The following RBMS3 variants were observed in gnomAD, a reference collection of about 807,000 sequenced individuals.
RBMS3 encodes the protein RNA-binding motif, single-stranded-interacting protein 3.
In RBMS3, 27 loss-of-function variants were observed where a neutral mutation model predicts 66.8. The observed-to-expected ratio is 0.40, with a 90% CI of 0.30 to 0.56. RBMS3 has a LOEUF of 0.56. Ranked by LOEUF, RBMS3 falls within the 20% of genes least tolerant of loss-of-function variation. The pLI is 0.40. For missense variants in RBMS3, 513 were observed against 549.5 expected (o/e 0.93, Z 0.66); for synonymous variants, 188 against 183.0 (o/e 1.03, Z -0.22).
intron 4 of RBMS3, among the ~76,000 whole-genome samples, chr3:29,669,151 G>A (rs1304678904): frequency 6.6e-6 from 1 of 152,186 alleles, no homozygotes. Flanking sequence ...GCCAGCCTGT[G>A]GTGTGGAGTG....
chr3:29,996,236 C>T (rs1699230435), intron 14 of RBMS3, among the ~76,000 whole-genome samples: 1 of 151,536 alleles, frequency 6.6e-6, no homozygotes, highest in African/African-American at 2.4e-5. Context: ...AATATATATG[C>T]ACCCAATACA....
chr3:29,479,192 A>C (rs1373239805), intron 2 of RBMS3, among the ~76,000 whole-genome samples: 24 of 152,042 alleles, frequency 1.6e-4, no homozygotes, highest in Admixed American at 1.4e-3. Flanking sequence ...AATGAAAATA[A>C]TATCAACTAA....
chr3:29,742,428 T>G (rs1328160584), intron 5 of RBMS3, among the ~76,000 whole-genome samples: 1 of 152,210 alleles, frequency 6.6e-6, no homozygotes, highest in Non-Finnish European at 1.5e-5. Context: ...ATTGCTCGCC[T>G]TCCTGGCTTT....
Position 29,525,140 on chromosome 3 carries a change from G to T in RBMS3, c.307+36641G>T, listed in dbSNP as rs544875781. ...ATTTACCTTTTTTTCCTTTAGTGAG[G>T]AAAAACATTAACAAACATTTTAAAT... is the stretch of plus-strand genomic sequence containing the variant. On this transcript the variant is annotated intron_variant, in intron 3 of 14. Coordinates refer to ENST00000383767, the MANE Select transcript of RBMS3 (RefSeq NM_001003793.3). Among the ~76,000 whole-genome samples, 3 of 152,114 alleles carry T rather than the reference G, an allele frequency of 2.0e-5. No individual in the cohort carries two copies. In the South Asian group the frequency reaches 6.2e-4, roughly 32 times the overall value.
chr3:29,614,631 AAC>A (rs2048600275), intron 4 of RBMS3: 1 of 152,192 alleles, frequency 6.6e-6, no homozygotes, highest in South Asian at 2.1e-4. Flanking sequence ...GCACGGGAAC[AAC>A]TGGTTGAAAA....
intron 4 of RBMS3, among the ~76,000 whole-genome samples, chr3:29,605,652 G>A (rs1026705256): frequency 6.6e-6 from 1 of 152,042 alleles, no homozygotes; most frequent in East Asian, 1.9e-4. Context: ...GAACTTGTGA[G>A]GATAAAAATG....
intron 1 of RBMS3, among the ~76,000 whole-genome samples, chr3:29,377,753 C>T (rs1164562494): frequency 6.6e-6 from 1 of 152,162 alleles, no homozygotes; most frequent in Non-Finnish European, 1.5e-5. Context: ...AGAAGCACTG[C>T]CATGACAGAT....
At chr3:29,477,631 T>G (rs1431461139) in intron 2 of RBMS3, among the ~76,000 whole-genome samples, 2 of 152,020 alleles carry the variant, frequency 1.3e-5, no homozygotes, top group Non-Finnish European at 2.9e-5. Context: ...AATAAAGATA[T>G]GCCCAAAATC....
At chr3:29,790,290 G>T (rs2056960769) in intron 6 of RBMS3, among the ~76,000 whole-genome samples, 1 of 152,028 alleles carries the variant, frequency 6.6e-6, no homozygotes, top group South Asian at 2.1e-4. Context: ...CACTATAAAG[G>T]TTAAATCTCA....
chr3:29,688,592 TTTTTTTTTTG>T (rs1431232158), intron 4 of RBMS3, among the ~76,000 whole-genome samples: 6 of 94,708 alleles, frequency 6.3e-5, no homozygotes, highest in African/African-American at 2.4e-4. Flanking sequence ...TTTTTTTTTT[TTTTTTTTTTG>T]AGATGGAGTC....
At chr3:29,472,344 C>T (rs973833601) in intron 2 of RBMS3, among the ~76,000 whole-genome samples, 12 of 151,908 alleles carry the variant, frequency 7.9e-5, no homozygotes, top group African/African-American at 1.2e-4. Context: ...TACAGGCGCC[C>T]GCCATCACGC....
At chr3:29,884,422 TTCTCTCTCTC>T (rs571002730) in intron 8 of RBMS3, among the ~76,000 whole-genome samples, 15 of 41,874 alleles carry the variant, frequency 3.6e-4, no homozygotes, top group South Asian at 2.2e-3. Context: ...TTAAACCCTG[TTCTCTCTCTC>T]TCTCTCTCTC....
intron 14 of RBMS3, among the ~76,000 whole-genome samples, chr3:29,997,005 A>C (rs1258885564): frequency 1.3e-5 from 2 of 151,988 alleles, no homozygotes; most frequent in African/African-American, 4.8e-5. Flanking sequence ...GATCAAAAAA[A>C]TTGATAGACC....
In RBMS3 at chr3:29,869,055, T is replaced by C. The variant is rs11922632; in HGVS notation, c.744+91T>C. On this transcript the variant is annotated intron_variant, in intron 7 of 14. Coordinates refer to ENST00000383767, the MANE Select transcript of RBMS3 (RefSeq NM_001003793.3). Reference sequence around the variant, plus strand: ...GCAGACGTATGGTGCCATGATGAAATTGGGTCCCATGGAACACCCAATGTC... The same window carrying C: ...GCAGACGTATGGTGCCATGATGAAACTGGGTCCCATGGAACACCCAATGTC... The C allele has an allele frequency of 2.7e-3, 2,774 of 1,045,798 alleles. 58 individuals are homozygous for C. In the African/African-American group the frequency reaches 0.039, roughly 15 times the overall value. 64.8% of individuals were successfully genotyped at this position (1,045,798 alleles called of 1,614,324 possible). A position where few individuals can be genotyped will look rare whatever the true frequency, so the allele number is the denominator to read the frequency against.
rs10565045 is a variant in RBMS3, at chr3:29,323,691, TACACACACACAC to T, written c.75+41960_75+41971del. 4.3e-3 allele frequency among the ~76,000 whole-genome samples: 620 copies of T among 144,374 alleles called. 6 individuals are homozygous for T. The highest frequency in any genetic ancestry group is 0.014 in the African/African-American group (557 of 39,522). 94.7% of individuals were successfully genotyped at this position (144,374 alleles called of 152,430 possible). A position where few individuals can be genotyped will look rare whatever the true frequency, so the allele number is the denominator to read the frequency against. The stretch of plus-strand genomic sequence containing the variant: ...GGACACATACAGTTACACACACACA[TACACACACACAC>T]ACACACACACACACACACACACACC... On this transcript the variant is annotated intron_variant, in intron 1 of 14. Coordinates refer to ENST00000383767, the MANE Select transcript of RBMS3 (RefSeq NM_001003793.3).
intron 3 of RBMS3, among the ~76,000 whole-genome samples, chr3:29,570,217 A>G (rs35308958): frequency 6.6e-6 from 1 of 151,996 alleles, no homozygotes; most frequent in Non-Finnish European, 1.5e-5. Context: ...GTATGTATAT[A>G]TATTTATGAG....
chr3:29,372,907 A>T (rs1388031757), intron 1 of RBMS3, among the ~76,000 whole-genome samples: 1 of 151,814 alleles, frequency 6.6e-6, no homozygotes, highest in Non-Finnish European at 1.5e-5. Flanking sequence ...AAAAGAAAAA[A>T]CGCCTTGAAA....
At chr3:29,835,883 A>G (rs2058493221) in intron 6 of RBMS3, among the ~76,000 whole-genome samples, 1 of 151,898 alleles carries the variant, frequency 6.6e-6, no homozygotes, top group Non-Finnish European at 1.5e-5. Flanking sequence ...CCTTCACTAC[A>G]CTAAGGAAAA....
At chr3:29,660,146 G>A (rs975594618) in intron 4 of RBMS3, among the ~76,000 whole-genome samples, 9 of 152,054 alleles carry the variant, frequency 5.9e-5, no homozygotes, top group Middle Eastern at 3.4e-3. Context: ...AGTGAGAGTG[G>A]GGTATTGGAG....
Sources: allele counts gnomAD v4.1 joint callset (sites outside exome capture counted in the v4.1 genomes callset), GRCh38; gene constraint gnomAD v4.1.1; transcripts MANE v1.5; gene names NCBI Gene and HGNC (gene_info 2026-07-23, HGNC 2026-07-21).